The following PPP2R5C variants were observed in gnomAD, a reference collection of about 807,000 sequenced individuals.
PPP2R5C encodes protein phosphatase 2 regulatory subunit B'gamma.
In PPP2R5C, 7 loss-of-function variants were observed where a neutral mutation model predicts 68.9. The observed-to-expected ratio is 0.10, with a 90% CI of 0.06 to 0.19. The LOEUF is 0.19. Ranked by LOEUF, PPP2R5C falls within the 10% of genes least tolerant of loss-of-function variation. The pLI, the probability that PPP2R5C is intolerant of heterozygous loss-of-function variation, is 1.00. For synonymous variants in PPP2R5C, 210 were observed against 222.2 expected (o/e 0.95, Z 0.49); for missense variants, 348 against 641.3 (o/e 0.54, Z 4.94).
chr14:101,895,219 T>G (rs1454246923), intron 8 of PPP2R5C, among the ~76,000 whole-genome samples: 1 of 152,232 alleles, frequency 6.6e-6, no homozygotes, highest in Non-Finnish European at 1.5e-5. Flanking sequence ...GAAACAACTT[T>G]ATTGAGATAT....
chr14:101,865,527 C>G (rs975457595), intron 2 of PPP2R5C, among the ~76,000 whole-genome samples: 8 of 152,204 alleles, frequency 5.3e-5, no homozygotes, highest in Non-Finnish European at 1.2e-4. Context: ...AGTCAAGGAG[C>G]AAGAATTCCC....
chr14:101,892,484 C>T (rs2403012), intron 6 of PPP2R5C, among the ~76,000 whole-genome samples: 4,630 of 152,112 alleles, frequency 0.03, 160 homozygotes, highest in African/African-American at 0.083. Flanking sequence ...TGAGCCAGCT[C>T]CCTGCTGTTC....
At chr14:101,919,969 CAAAA>C (rs34641396) in intron 13 of PPP2R5C, among the ~76,000 whole-genome samples, 2 of 52,884 alleles carry the variant, frequency 3.8e-5, no homozygotes, top group African/African-American at 9.0e-5. Flanking sequence ...AACTCCGTCT[CAAAA>C]AAAAAAAAAA....
exon 14 of PPP2R5C, chr14:101,926,609 G>A (rs1244161808): frequency 1.3e-5 from 2 of 152,572 alleles, no homozygotes; most frequent in Non-Finnish European, 2.9e-5. Flanking sequence ...TTCTAAACAC[G>A]TGATCTAGTT....
In PPP2R5C at chr14:101,916,299, C is replaced by T. The variant is rs1033333532; in HGVS notation, c.1327-1532C>T. Reference sequence around the variant, plus strand: ...CTGACTGGCCTTCAAGGAAGGAACCCAGCTGAGGGTGTGTGCCCCGTCTGT... The same window carrying T: ...CTGACTGGCCTTCAAGGAAGGAACCTAGCTGAGGGTGTGTGCCCCGTCTGT... On this transcript the variant is annotated intron_variant, in intron 12 of 13. Transcript: ENST00000334743. The surrounding 1 kb of genome is among the most constrained non-coding windows in gnomAD (Gnocchi z 5.5). 2.6e-5 allele frequency among the ~76,000 whole-genome samples: 4 copies of T among 152,034 alleles called. No individual in the cohort carries two copies. Among genetic ancestry groups the T allele is most frequent in the African/African-American group, 9.7e-5 (4 of 41,398 alleles).
At chr14:101,842,763 T>TC (rs1477270809) in intron 1 of PPP2R5C, among the ~76,000 whole-genome samples, 2 of 150,658 alleles carry the variant, frequency 1.3e-5, no homozygotes, top group Non-Finnish European at 3.0e-5. Flanking sequence ...TTTTCTTTTT[T>TC]TTTTTTTTTT....
chr14:101,760,626 G>A (rs1216486882), upstream of PPP2R5C: 1 of 845,702 alleles, frequency 1.2e-6, no homozygotes. Flanking sequence ...TCGGGTAGGC[G>A]GGACCTTGCG....
chr14:101,834,743 CT>C (rs2140362401), intron 1 of PPP2R5C, among the ~76,000 whole-genome samples: 1 of 151,818 alleles, frequency 6.6e-6, no homozygotes, highest in South Asian at 2.1e-4. Context: ...AGGAGGGGAT[CT>C]TTATTACATG....
intron 2 of PPP2R5C, chr14:101,765,095 C>T (rs751445655): frequency 5.2e-5 from 36 of 693,452 alleles, no homozygotes; most frequent in African/African-American, 1.1e-4. Context: ...GTGAGACCTG[C>T]GGTGTGGCCT....
At chr14:101,857,031 C>A in intron 2 of PPP2R5C, 146 bp downstream of exon 4, 1 of 759,898 alleles carries the variant, frequency 1.3e-6, no homozygotes. Context: ...TGAAAATTTT[C>A]TTTGTATCCT....
intron 9 of PPP2R5C, among the ~76,000 whole-genome samples, chr14:101,905,778 T>C (rs1044602268): frequency 6.6e-6 from 1 of 152,156 alleles, no homozygotes; most frequent in African/African-American, 2.4e-5. Flanking sequence ...CACTGCCCTC[T>C]GCAGTGGTCC....
chr14:101,780,638 C>T (rs1227928893), intron 2 of PPP2R5C, among the ~76,000 whole-genome samples: 1 of 152,166 alleles, frequency 6.6e-6, no homozygotes, highest in Non-Finnish European at 1.5e-5. Context: ...TTGGTTAACA[C>T]ACTCCTCTCT....
Position 101,781,802 on chromosome 14 carries a change from C to G in PPP2R5C, c.94-4216C>G, listed in dbSNP as rs78459077. 0.041 allele frequency among the ~76,000 whole-genome samples: 6,170 copies of G among 151,912 alleles called. 165 individuals carry two copies. Among genetic ancestry groups the G allele is most frequent in the Non-Finnish European group, 0.067 (4,527 of 67,862 alleles). ...CCTCTGCTTGGCCGCCCGCGAACCG[C>G]GCTCTCCCGTTTCCTTTCCGTCCCG... On this transcript the variant is annotated intron_variant, in intron 2 of 14. Coordinates refer to the PPP2R5C transcript ENST00000328724. The surrounding 1 kb of genome is among the most constrained non-coding windows in gnomAD (Gnocchi z 6.4).
In PPP2R5C at chr14:101,917,767, G is replaced by A; in HGVS notation, c.1327-64G>A. The A allele has an allele frequency of 6.2e-7, 1 of 1,604,952 alleles. No homozygotes were observed. Among genetic ancestry groups the A allele is most frequent in the South Asian group, 1.1e-5 (1 of 90,464 alleles). On this transcript the variant is annotated intron_variant, in intron 12 of 13. Transcript: ENST00000334743. This position sits in a 1 kb window ranked among gnomAD's most constrained non-coding sequence, Gnocchi z 4.4. Reference sequence around the variant, plus strand: ...GCAGGGGAGATGAGTCCCTAGCCAGGATGAGAAGCTTGGAGTTCAGAGCCT... The same window carrying A: ...GCAGGGGAGATGAGTCCCTAGCCAGAATGAGAAGCTTGGAGTTCAGAGCCT...
chr14:101,816,268 A>G (rs181055804), intron 1 of PPP2R5C, among the ~76,000 whole-genome samples: 2 of 152,282 alleles, frequency 1.3e-5, no homozygotes, highest in Non-Finnish European at 2.9e-5. Flanking sequence ...TCCCTGTCAC[A>G]CTGGAAATAG....
chr14:101,855,377 G>A (rs2042359983), intron 1 of PPP2R5C, among the ~76,000 whole-genome samples: 1 of 152,170 alleles, frequency 6.6e-6, no homozygotes, highest in Non-Finnish European at 1.5e-5. Flanking sequence ...TGGGAAGGGA[G>A]GAGTATTTTA....
At chr14:101,830,330 A>C (rs1219995872) in intron 1 of PPP2R5C, among the ~76,000 whole-genome samples, 1 of 152,264 alleles carries the variant, frequency 6.6e-6, no homozygotes, top group Admixed American at 6.5e-5. Context: ...TGCTGTCTCC[A>C]GACAAGACAC....
chr14:101,792,831 G>A (rs963046243), intron 3 of PPP2R5C, among the ~76,000 whole-genome samples: 2 of 149,728 alleles, frequency 1.3e-5, no homozygotes, highest in African/African-American at 4.9e-5. Context: ...CATCCCTTGG[G>A]CTCATTTAAT....
chr14:101,902,184 C>A (rs1336644280), intron 9 of PPP2R5C, among the ~76,000 whole-genome samples: 4 of 152,182 alleles, frequency 2.6e-5, no homozygotes, highest in Non-Finnish European at 5.9e-5. Flanking sequence ...AAACACCCTC[C>A]TTTCCACACC....
Sources: gnomAD v4.1 joint callset for allele counts (sites outside exome capture counted in the v4.1 genomes callset) on GRCh38, gnomAD v4.1.1 for gene constraint, Gnocchi (gnomAD v3.1) non-coding constraint, MANE v1.5 for transcripts, NCBI Gene and HGNC (gene_info 2026-07-23, HGNC 2026-07-21) for gene names.